The following DPYSL2 variants were observed in gnomAD, a reference collection of about 807,000 sequenced individuals.
The protein encoded by DPYSL2 is dihydropyrimidinase like 2, also known as dihydropyrimidinase-related protein 2.
In DPYSL2, 13 loss-of-function variants were observed where a neutral mutation model predicts 69.9. The ratio of observed to expected loss-of-function variants is 0.19; its 90% CI spans 0.12 to 0.30. The LOEUF (loss-of-function observed/expected upper bound fraction) is 0.30. Among genes scored for constraint, DPYSL2 ranks in the 10% least tolerant of loss-of-function variants. The pLI is 1.00. For missense variants in DPYSL2, 587 were observed against 918.9 expected (o/e 0.64, Z 4.67); for synonymous variants, 326 against 359.1 (o/e 0.91, Z 1.04).
intron 1 of DPYSL2, among the ~76,000 whole-genome samples, chr8:26,574,301 C>T (rs1801289892): frequency 6.6e-6 from 1 of 152,130 alleles, no homozygotes; most frequent in Non-Finnish European, 1.5e-5. Context: ...TGTGTGCGTG[C>T]ACCCATTGAG....
chr8:26,547,338 G>C (rs1455680406), intron 1 of DPYSL2, among the ~76,000 whole-genome samples: 1 of 149,610 alleles, frequency 6.7e-6, no homozygotes, highest in Non-Finnish European at 1.5e-5. Context: ...ACTCCAGCCT[G>C]GTTGACAGAG....
chr8:26,653,404 T>G lies in DPYSL2; in HGVS notation c.1942+7T>G. ...TCTGGATTCAGTTTGTCTGGTAGGG[T>G]TGGGGCTTGGGGAGGGCACAGTTCT... is the stretch of plus-strand genomic sequence containing the variant. On this transcript the variant is annotated splice_region_variant and intron_variant, in intron 13 of 13. Transcript: ENST00000521913. This position sits in a 1 kb window ranked among gnomAD's most constrained non-coding sequence, Gnocchi z 5.7. 1 of 1,610,162 alleles carries G rather than the reference T, an allele frequency of 6.2e-7. No homozygotes were observed. Among genetic ancestry groups the G allele is most frequent in the Non-Finnish European group, 8.5e-7 (1 of 1,177,858 alleles).
At chr8:26,631,715 G>T (rs544890551) in intron 7 of DPYSL2, among the ~76,000 whole-genome samples, 2 of 152,096 alleles carry the variant, frequency 1.3e-5, no homozygotes, top group Non-Finnish European at 2.9e-5. Context: ...GGCCCCTCTT[G>T]TATGCCAGGC....
At chr8:26,578,382 G>T in intron 1 of DPYSL2, 1 of 1,590,876 alleles carries the variant, frequency 6.3e-7, no homozygotes, top group South Asian at 1.1e-5. Flanking sequence ...GAGGGGAAAG[G>T]AGAGGGACCG....
Position 26,610,528 on chromosome 8 carries a change from G to C in DPYSL2, c.629-13615G>C, listed in dbSNP as rs1802200953. The stretch of plus-strand genomic sequence containing the variant: ...GGGTCGTATGCAGTTTCATGCAGAA[G>C]ACTTAGCTAGATGAGTGACTCAAAG... On this transcript the variant is annotated intron_variant, in intron 3 of 13. Transcript: ENST00000521913. The surrounding 1 kb of genome is among the most constrained non-coding windows in gnomAD (Gnocchi z 4.5). 6.6e-6 allele frequency among the ~76,000 whole-genome samples: 1 copy of C among 152,242 alleles called. No homozygotes were observed. The highest frequency in any genetic ancestry group is 1.9e-4 in the East Asian group (1 of 5,166).
chr8:26,598,370 C>T lies in DPYSL2; in HGVS notation c.628+14387C>T, dbSNP rs1461864375. ...TTTTTGTGGATGTTTTAGAGCTCCT[C>T]CTCTCCATCTCCTGAATTTCTTTTC... On this transcript the variant is annotated intron_variant, in intron 3 of 13. Coordinates refer to ENST00000521913, the MANE Select transcript of DPYSL2 (RefSeq NM_001197293.3). This position sits in a 1 kb window ranked among gnomAD's most constrained non-coding sequence, Gnocchi z 4.2. Among the ~76,000 whole-genome samples the T allele has an allele frequency of 6.6e-6, 1 of 152,202 alleles. No individual in the cohort carries two copies. The highest frequency in any genetic ancestry group is 1.5e-5 in the Non-Finnish European group (1 of 68,034).
At position 26,614,680 on chromosome 8, in the gene DPYSL2, C is replaced by T. The variant is rs1034757167; in HGVS notation, c.629-9463C>T. On this transcript the variant is annotated intron_variant, in intron 3 of 13. Transcript: ENST00000521913. This position sits in a 1 kb window ranked among gnomAD's most constrained non-coding sequence, Gnocchi z 4.9. ...GGGCTTCTAGATGCTGAACAATGAC[C>T]GATGGTGCCACTTGATTTATATGAA... Among the ~76,000 whole-genome samples the T allele has an allele frequency of 2.0e-5, 3 of 152,106 alleles. No individual in the cohort carries two copies. The highest frequency in any genetic ancestry group is 4.4e-5 in the Non-Finnish European group (3 of 68,026).
intron 1 of DPYSL2, among the ~76,000 whole-genome samples, chr8:26,526,284 G>A (rs772359630): frequency 1.9e-4 from 29 of 152,026 alleles, no homozygotes; most frequent in Non-Finnish European, 4.0e-4. Flanking sequence ...TAGTAGAGAC[G>A]GGGTTTCACC....
At chr8:26,561,960 C>G (rs1479040515) in intron 1 of DPYSL2, among the ~76,000 whole-genome samples, 2 of 152,158 alleles carry the variant, frequency 1.3e-5, no homozygotes, top group African/African-American at 4.8e-5. Context: ...CGTTAATATA[C>G]CACCATTCAA....
In DPYSL2 at chr8:26,556,159, A is replaced by ATT. The variant is rs1563384935; in HGVS notation, c.355-25810_355-25809insTT. ...ACTATATATAGTATATACTATATAT[A>ATT]GTATATACTATATATAGTATATACT... On this transcript the variant is annotated intron_variant, in intron 1 of 13. Transcript: ENST00000521913. 7.3e-3 allele frequency among the ~76,000 whole-genome samples: 21 copies of ATT among 2,858 alleles called. 2 individuals carry two copies. The highest frequency in any genetic ancestry group is 0.021 in the Admixed American group (2 of 94). The allele number at this position is 2,858 out of a possible 152,430, so 1.9% of individuals were successfully genotyped here. A position where few individuals can be genotyped will look rare whatever the true frequency, so the allele number is the denominator to read the frequency against.
intron 3 of DPYSL2, among the ~76,000 whole-genome samples, chr8:26,611,614 CAG>C (rs1180928513): frequency 4.6e-5 from 7 of 152,218 alleles, no homozygotes; most frequent in Non-Finnish European, 1.0e-4. Context: ...TTACAGGAAA[CAG>C]AGATGTCGCC....
At chr8:26,607,242 T>G (rs1184055555) in intron 3 of DPYSL2, among the ~76,000 whole-genome samples, 4 of 152,140 alleles carry the variant, frequency 2.6e-5, no homozygotes, top group South Asian at 2.1e-4. Flanking sequence ...CCCAGCACTT[T>G]GGGAGGCTGA....
intron 7 of DPYSL2, among the ~76,000 whole-genome samples, chr8:26,632,291 T>G (rs577393101): frequency 2.0e-5 from 3 of 152,234 alleles, no homozygotes; most frequent in Admixed American, 6.5e-5. Flanking sequence ...GATAAGAAAG[T>G]GATCCTTTCT....
chr8:26,630,487 G>A (rs374335793), intron 7 of DPYSL2, among the ~76,000 whole-genome samples: 1 of 152,180 alleles, frequency 6.6e-6, no homozygotes, highest in Non-Finnish European at 1.5e-5. Context: ...CAGTTCTCAC[G>A]TGAGCCCTGT....
At chr8:26,636,996 T>A (rs1802936815) in intron 8 of DPYSL2, among the ~76,000 whole-genome samples, 1 of 152,084 alleles carries the variant, frequency 6.6e-6, no homozygotes. Flanking sequence ...CCCGCCTCGG[T>A]CTCCCAAAAT....
chr8:26,622,976 AT>A (rs1238713979), intron 3 of DPYSL2, among the ~76,000 whole-genome samples: 2 of 152,058 alleles, frequency 1.3e-5, no homozygotes, highest in Non-Finnish European at 2.9e-5. Context: ...CCTGGTTTTT[AT>A]TTCTATTGTT....
In DPYSL2 at chr8:26,634,683, T is replaced by A. The variant is rs111410248; in HGVS notation, c.1006-97T>A. The A allele has an allele frequency of 1.4e-5, 23 of 1,592,490 alleles. No individual in the cohort carries two copies. The East Asian group carries it at 5.1e-4, about 36-fold the overall frequency. On this transcript the variant is annotated intron_variant, in intron 7 of 13. Transcript: ENST00000521913. ...GGTAGGACCTTGGAGACCAGCAGCCTCGCCTTCATCTTAGCCTCTCTCTGG... is the reference window on the plus strand; with the variant it reads ...GGTAGGACCTTGGAGACCAGCAGCCACGCCTTCATCTTAGCCTCTCTCTGG...
chr8:26,545,302 T>G (rs1264115898), intron 1 of DPYSL2, among the ~76,000 whole-genome samples: 1 of 152,124 alleles, frequency 6.6e-6, no homozygotes, highest in East Asian at 1.9e-4. Flanking sequence ...TTCAAAATAA[T>G]TCTAAGTACC....
intron 1 of DPYSL2, among the ~76,000 whole-genome samples, chr8:26,549,579 AG>A (rs1184442294): frequency 6.6e-6 from 1 of 152,188 alleles, no homozygotes; most frequent in Non-Finnish European, 1.5e-5. Context: ...GAGAACACCA[AG>A]CAGGATCAGT....
Sources: allele counts gnomAD v4.1 joint callset (sites outside exome capture counted in the v4.1 genomes callset), GRCh38; gene constraint gnomAD v4.1.1; non-coding constraint Gnocchi (gnomAD v3.1); transcripts MANE v1.5; gene names NCBI Gene and HGNC (gene_info 2026-07-23, HGNC 2026-07-21).